The following PGM5 variants were observed in gnomAD, a reference collection of about 807,000 sequenced individuals.
The protein encoded by PGM5 is phosphoglucomutase 5.
In PGM5, 23 loss-of-function variants were observed where a neutral mutation model predicts 59.2. The ratio of observed to expected loss-of-function variants is 0.39; its 90% CI spans 0.28 to 0.55. The LOEUF is 0.55. Among genes scored for constraint, PGM5 ranks in the 20% least tolerant of loss-of-function variants. The probability of loss-of-function intolerance (pLI) is 0.66; values close to 1 mark genes in which losing one functional copy is unlikely to be tolerated. For synonymous variants in PGM5, 214 were observed against 286.0 expected, an observed-to-expected ratio of 0.75 and a Z score of 2.54; for missense variants, 574 against 748.3, an observed-to-expected ratio of 0.77 and a Z score of 2.72.
At chr9:68,461,773 G>T (rs1554685428) in intron 6 of PGM5, among the ~76,000 whole-genome samples, 1 of 151,638 alleles carries the variant, frequency 6.6e-6, no homozygotes, top group Non-Finnish European at 1.5e-5. Flanking sequence ...TCTAGTATCA[G>T]CTATCCCATT....
At chr9:68,412,643 G>A (rs1268266400) in intron 6 of PGM5, among the ~76,000 whole-genome samples, 7 of 152,288 alleles carry the variant, frequency 4.6e-5, no homozygotes, top group East Asian at 1.9e-4. Context: ...TGCTACAAAC[G>A]GTTAGGTATC....
chr9:68,387,768 T>C lies in PGM5; in HGVS notation c.697+180T>C, dbSNP rs531687386. ...CCTTATTTCTGTCTTTGGATGTAAA[T>C]GAAAACAAAAGTTGAACAAATGAGT... On this transcript the variant is annotated intron_variant, in intron 4 of 10. Transcript: ENST00000396396. Among the ~76,000 whole-genome samples the C allele has an allele frequency of 8.5e-4, 129 of 152,026 alleles. 1 individual carries two copies. The highest frequency in any genetic ancestry group is 1.3e-4 in the Non-Finnish European group (9 of 67,918).
chr9:68,471,594 A>C (rs1824019265), intron 7 of PGM5, among the ~76,000 whole-genome samples: 1 of 151,632 alleles, frequency 6.6e-6, no homozygotes, highest in South Asian at 2.1e-4. Context: ...CAGCCTGGTC[A>C]ACACAAAAAG....
intron 1 of PGM5, among the ~76,000 whole-genome samples, chr9:68,366,901 G>T (rs1272977202): frequency 6.6e-6 from 1 of 152,092 alleles, no homozygotes. Context: ...ATAAAAGAAG[G>T]ACGAGATCAT....
intron 3 of PGM5, among the ~76,000 whole-genome samples, chr9:68,385,485 C>T (rs563036855): frequency 1.3e-5 from 2 of 152,142 alleles, no homozygotes; most frequent in African/African-American, 4.8e-5. Context: ...CCCAATGTTA[C>T]CAAATCTTTC....
At chr9:68,507,743 T>G (rs1278579706) in intron 10 of PGM5, among the ~76,000 whole-genome samples, 1 of 152,152 alleles carries the variant, frequency 6.6e-6, no homozygotes, top group African/African-American at 2.4e-5. Flanking sequence ...GTATAGGTTT[T>G]TTTCTATTTC....
intron 1 of PGM5, among the ~76,000 whole-genome samples, chr9:68,363,070 A>G (rs1320195969): frequency 2.0e-5 from 3 of 151,220 alleles, no homozygotes; most frequent in Non-Finnish European, 4.4e-5. Flanking sequence ...GGGTTTCACC[A>G]TGTCGGCCAG....
intron 6 of PGM5, among the ~76,000 whole-genome samples, chr9:68,413,327 G>A (rs1331814783): frequency 1.3e-5 from 2 of 151,908 alleles, no homozygotes; most frequent in African/African-American, 4.8e-5. Context: ...GGGTAAGAAA[G>A]GCTCCCAGTG....
chr9:68,382,067 C>T (rs1394741574), intron 2 of PGM5, among the ~76,000 whole-genome samples: 3 of 150,314 alleles, frequency 2.0e-5, no homozygotes, highest in African/African-American at 7.3e-5. Context: ...AAAACCAAAG[C>T]AATGTTGAGG....
intron 6 of PGM5, among the ~76,000 whole-genome samples, chr9:68,419,080 A>T (rs1371879214): frequency 1.3e-5 from 2 of 152,336 alleles, no homozygotes; most frequent in South Asian, 2.1e-4. Context: ...AAATCTCAAC[A>T]GAAAAATCAG....
intron 10 of PGM5, among the ~76,000 whole-genome samples, chr9:68,525,488 T>C (rs1824957980): frequency 6.6e-6 from 1 of 152,208 alleles, no homozygotes; most frequent in South Asian, 2.1e-4. Context: ...AGAAACCTGC[T>C]ACATGGCACT....
chr9:68,404,720 G>T (rs564073384), intron 6 of PGM5, among the ~76,000 whole-genome samples: 25 of 152,252 alleles, frequency 1.6e-4, no homozygotes, highest in Admixed American at 1.6e-3. Context: ...GGCATTGGTG[G>T]TTTATATTCT....
intron 1 of PGM5, among the ~76,000 whole-genome samples, chr9:68,377,448 T>C (rs1469012395): frequency 6.6e-5 from 10 of 152,208 alleles, no homozygotes; most frequent in Non-Finnish European, 1.3e-4. Context: ...TTCTATTTTG[T>C]AGAAATATTG....
chr9:68,494,591 C>G (rs932849647), intron 9 of PGM5, among the ~76,000 whole-genome samples: 2 of 152,186 alleles, frequency 1.3e-5, no homozygotes, highest in East Asian at 3.8e-4. Flanking sequence ...AGCCAGGCAC[C>G]ACCATTTTTT....
intron 10 of PGM5, among the ~76,000 whole-genome samples, chr9:68,511,723 G>A (rs2132113502): frequency 1.3e-5 from 2 of 151,124 alleles, no homozygotes; most frequent in South Asian, 4.2e-4. Flanking sequence ...GCTAATTTTT[G>A]TATTTTTAGT....
intron 2 of PGM5, among the ~76,000 whole-genome samples, chr9:68,380,571 A>T (rs1172814694): frequency 6.6e-6 from 1 of 151,902 alleles, no homozygotes; most frequent in African/African-American, 2.4e-5. Context: ...CAAAGTGAGC[A>T]AAAGGAAGGA....
chr9:68,378,457 G>A, intron 2 of PGM5, 96 bp downstream of exon 2: 3 of 1,402,374 alleles, frequency 2.1e-6, no homozygotes, highest in South Asian at 1.5e-5. Flanking sequence ...CAAGCAAGGT[G>A]CAGAGGACCT....
chr9:68,439,391 A>G (rs1467038460), intron 6 of PGM5, among the ~76,000 whole-genome samples: 3 of 147,234 alleles, frequency 2.0e-5, no homozygotes, highest in Non-Finnish European at 3.0e-5. Flanking sequence ...ATATATCTTT[A>G]TAAGTCTGCT....
At chr9:68,462,983 G>T (rs1823879812) in intron 6 of PGM5, among the ~76,000 whole-genome samples, 1 of 152,076 alleles carries the variant, frequency 6.6e-6, no homozygotes, top group African/African-American at 2.4e-5. Context: ...CAGAATGTAA[G>T]CATGATTCTA....
Sources: gnomAD v4.1 joint callset for allele counts (sites outside exome capture counted in the v4.1 genomes callset) on GRCh38, gnomAD v4.1.1 for gene constraint, MANE v1.5 for transcripts, NCBI Gene and HGNC (gene_info 2026-07-23, HGNC 2026-07-21) for gene names.